The following CHCHD6 variants were observed in gnomAD, a reference collection of about 807,000 sequenced individuals.
The protein encoded by CHCHD6 is MICOS complex subunit MIC25.
CHCHD6 carries 28 observed loss-of-function variants against 32.3 expected under a neutral mutation model. The observed-to-expected ratio is 0.87, with a 90% confidence interval of 0.64 to 1.19. The LOEUF is 1.19. Among genes scored for constraint, CHCHD6 ranks in the 50% most tolerant of loss-of-function variants. The probability of loss-of-function intolerance (pLI) is 0.00; values close to 1 mark genes in which losing one functional copy is unlikely to be tolerated. For missense variants in CHCHD6, 333 were observed against 307.0 expected (o/e 1.08, Z -0.63); for synonymous variants, 122 against 117.5 (o/e 1.04, Z -0.25).
At chr3:126,765,285 A>G (rs1443276245) in intron 4 of CHCHD6, among the ~76,000 whole-genome samples, 1 of 152,202 alleles carries the variant, frequency 6.6e-6, no homozygotes, top group Non-Finnish European at 1.5e-5. Context: ...CTGGAAACCA[A>G]GAGCCCTAGC....
intron 4 of CHCHD6, among the ~76,000 whole-genome samples, chr3:126,817,153 T>C (rs978790359): frequency 6.6e-6 from 1 of 152,206 alleles, no homozygotes; most frequent in Non-Finnish European, 1.5e-5. Flanking sequence ...GACTGCTCTC[T>C]CTGGGCTAGG....
chr3:126,775,694 G>A (rs1319845239), intron 4 of CHCHD6, among the ~76,000 whole-genome samples: 1 of 152,228 alleles, frequency 6.6e-6, no homozygotes, highest in African/African-American at 2.4e-5. Context: ...AAGTCCCCAT[G>A]TAACTCAGAG....
At chr3:126,795,443 T>C (rs1938747966) in intron 4 of CHCHD6, among the ~76,000 whole-genome samples, 1 of 152,238 alleles carries the variant, frequency 6.6e-6, no homozygotes, top group Non-Finnish European at 1.5e-5. Flanking sequence ...GTTAGGAAGC[T>C]GGAGAGTTTT....
chr3:126,816,300 G>T (rs573916186), intron 4 of CHCHD6, among the ~76,000 whole-genome samples: 3 of 152,202 alleles, frequency 2.0e-5, no homozygotes, highest in South Asian at 4.1e-4. Context: ...GCGCTTTCTC[G>T]TTGGCGTTGT....
intron 5 of CHCHD6, among the ~76,000 whole-genome samples, chr3:126,906,487 G>A (rs145420842): frequency 1.3e-5 from 2 of 152,294 alleles, no homozygotes; most frequent in Non-Finnish European, 2.9e-5. Context: ...TGCCTCGTGC[G>A]GTCCAACACC....
chr3:126,830,389 G>A (rs1940590004), intron 4 of CHCHD6, among the ~76,000 whole-genome samples: 6 of 152,188 alleles, frequency 3.9e-5, no homozygotes, highest in Admixed American at 3.9e-4. Flanking sequence ...TTTTTAGCCA[G>A]GCTTTCACCC....
At chr3:126,845,220 A>G (rs899826851) in intron 4 of CHCHD6, among the ~76,000 whole-genome samples, 1 of 151,974 alleles carries the variant, frequency 6.6e-6, no homozygotes, top group African/African-American at 2.4e-5. Flanking sequence ...TGTTTGTTTC[A>G]TCTGTTCTTT....
At chr3:126,892,583 C>T (rs981873165) in intron 5 of CHCHD6, among the ~76,000 whole-genome samples, 1 of 152,212 alleles carries the variant, frequency 6.6e-6, no homozygotes, top group East Asian at 1.9e-4. Flanking sequence ...CACACAGGTC[C>T]ATCCCTAGCC....
chr3:126,925,404 A>G (rs934335972), intron 6 of CHCHD6, among the ~76,000 whole-genome samples: 2 of 152,206 alleles, frequency 1.3e-5, no homozygotes, highest in African/African-American at 4.8e-5. Flanking sequence ...AGCTGTGAAA[A>G]CTTAAGTTAG....
rs1260404702 is a variant in CHCHD6, at chr3:126,960,293, C to T, written c.*92C>T. ...CACAGCCACTGTGCCCTGCCGTTTC[C>T]TGCTGGGCCCCTGCATATGCCCCTG... is the stretch of plus-strand genomic sequence containing the variant. On this transcript the variant is annotated 3_prime_UTR_variant, in exon 8 of 8. Coordinates refer to ENST00000290913, the MANE Select transcript of CHCHD6 (RefSeq NM_032343.3). 2.0e-6 allele frequency: 3 copies of T among 1,479,048 alleles called. No homozygotes were observed. The highest frequency in any genetic ancestry group is 2.8e-6 in the Non-Finnish European group (3 of 1,084,732). The allele number at this position is 1,479,048 out of a possible 1,614,324, so 91.6% of individuals were successfully genotyped here.
chr3:126,719,130 A>T (rs1260482564), intron 1 of CHCHD6, among the ~76,000 whole-genome samples: 1 of 152,140 alleles, frequency 6.6e-6, no homozygotes, highest in Non-Finnish European at 1.5e-5. Flanking sequence ...GCCAGGGCTC[A>T]TACGGTCTAG....
intron 7 of CHCHD6, 80 bp from the exon 8 acceptor site, chr3:126,960,116 T>C (rs2078840069): frequency 3.3e-6 from 5 of 1,524,022 alleles, no homozygotes; most frequent in Non-Finnish European, 4.5e-6. Flanking sequence ...AAGCGGTTGC[T>C]GTCACAGGGC....
chr3:126,786,621 G>T (rs576228677), intron 4 of CHCHD6, among the ~76,000 whole-genome samples: 2 of 152,288 alleles, frequency 1.3e-5, no homozygotes, highest in African/African-American at 2.4e-5. Context: ...CTGCATAAAT[G>T]TCTTCTTTTG....
chr3:126,739,188 C>G (rs777551643), intron 4 of CHCHD6, among the ~76,000 whole-genome samples: 16 of 152,162 alleles, frequency 1.1e-4, no homozygotes, highest in Admixed American at 5.2e-4. Context: ...ATCCATAGCC[C>G]CTTTCTTTAC....
At chr3:126,806,262 A>G (rs371854067) in intron 4 of CHCHD6, among the ~76,000 whole-genome samples, 23 of 152,296 alleles carry the variant, frequency 1.5e-4, no homozygotes, top group Admixed American at 1.4e-3. Context: ...GAGTGAACAG[A>G]CAACCTAAAA....
At chr3:126,815,433 C>A (rs1559860849) in intron 4 of CHCHD6, among the ~76,000 whole-genome samples, 1 of 152,192 alleles carries the variant, frequency 6.6e-6, no homozygotes. Flanking sequence ...GGCGTGCTCT[C>A]CTAGTGTGCC....
intron 4 of CHCHD6, chr3:126,780,252 G>A: frequency 2.9e-6 from 1 of 346,162 alleles, no homozygotes; most frequent in Non-Finnish European, 5.7e-6. Context: ...ATGAAAGTTA[G>A]GGAAACACCT....
At chr3:126,710,394 TTC>T (rs1934695582) in intron 1 of CHCHD6, among the ~76,000 whole-genome samples, 2 of 152,336 alleles carry the variant, frequency 1.3e-5, no homozygotes, top group South Asian at 4.1e-4. Flanking sequence ...TTTGTTATTT[TTC>T]AAGATTGTTT....
intron 5 of CHCHD6, among the ~76,000 whole-genome samples, chr3:126,860,126 G>A (rs1559885547): frequency 6.6e-6 from 1 of 152,146 alleles, no homozygotes. Flanking sequence ...GAGATTCAGA[G>A]CAGGGTCCCC....
Sources: gnomAD v4.1 joint callset for allele counts (sites outside exome capture counted in the v4.1 genomes callset) on GRCh38, gnomAD v4.1.1 for gene constraint, MANE v1.5 for transcripts, NCBI Gene and HGNC (gene_info 2026-07-23, HGNC 2026-07-21) for gene names.